The following RBFOX1 variants were observed in gnomAD, a reference collection of about 807,000 sequenced individuals.
RBFOX1 encodes RNA binding fox-1 homolog 1, also known as RNA binding protein fox-1 homolog 1.
A neutral mutation model predicts 57.7 loss-of-function variants in RBFOX1; 8 were observed. The ratio of observed to expected loss-of-function variants is 0.14; its 90% CI spans 0.08 to 0.25. The LOEUF (loss-of-function observed/expected upper bound fraction) is 0.25, where lower values mean the gene tolerates loss of function less well. RBFOX1 is among the 10% of genes least tolerant of loss of function. RBFOX1 has a pLI of 1.00. For synonymous variants in RBFOX1, 326 were observed against 222.4 expected (o/e 1.47, Z -4.15); for missense variants, 611 against 548.5 (o/e 1.11, Z -1.14).
intron 3 of RBFOX1, among the ~76,000 whole-genome samples, chr16:5,659,137 G>T (rs2049560239): frequency 6.6e-6 from 1 of 151,968 alleles, no homozygotes; most frequent in African/African-American, 2.4e-5. Flanking sequence ...GTGCAGAAGT[G>T]TTCCCTGTTC....
At chr16:6,147,226 C>G (rs938737490) in intron 1 of RBFOX1, among the ~76,000 whole-genome samples, 1 of 152,208 alleles carries the variant, frequency 6.6e-6, no homozygotes, top group Non-Finnish European at 1.5e-5. Context: ...TGGCTGCATG[C>G]TCTCTTAGCG....
At chr16:5,339,943 G>C (rs1430682296) in intron 1 of RBFOX1, among the ~76,000 whole-genome samples, 1 of 152,098 alleles carries the variant, frequency 6.6e-6, no homozygotes, top group African/African-American at 2.4e-5. Context: ...AGTCCCATCA[G>C]TCTGAGGCAT....
At position 6,985,428 on chromosome 16, in the gene RBFOX1, C is replaced by G. The variant is rs1568228424; in HGVS notation, c.-15-66629C>G. ...TCAGGAGGCTTAGGCAGGAAGATCA[C>G]TTCAGCCCATGTGTTCTCAGTCTAG... On this transcript the variant is annotated intron_variant, in intron 3 of 15. Transcript: ENST00000550418. Among the ~76,000 whole-genome samples the G allele has an allele frequency of 1.3e-5, 2 of 152,300 alleles. 1 individual carries two copies. Among genetic ancestry groups the G allele is most frequent in the African/African-American group, 4.8e-5 (2 of 41,564 alleles).
intron 2 of RBFOX1, among the ~76,000 whole-genome samples, chr16:6,524,726 A>G (rs1198813940): frequency 6.6e-6 from 1 of 152,000 alleles, no homozygotes; most frequent in East Asian, 1.9e-4. Flanking sequence ...TAAGAAGGAA[A>G]CCTACCTGGC....
intron 2 of RBFOX1, among the ~76,000 whole-genome samples, chr16:6,635,011 A>C (rs941681064): frequency 7.0e-6 from 1 of 143,222 alleles, no homozygotes; most frequent in Non-Finnish European, 1.5e-5. Flanking sequence ...ATAATACTTT[A>C]TTATGTTACA....
intron 3 of RBFOX1, among the ~76,000 whole-genome samples, chr16:7,027,771 C>T (rs1168179005): frequency 6.9e-6 from 1 of 144,124 alleles, no homozygotes; most frequent in Non-Finnish European, 1.5e-5. Flanking sequence ...ATACAGCTTG[C>T]ATTTTTTTTT....
intron 2 of RBFOX1, among the ~76,000 whole-genome samples, chr16:6,625,444 T>A (rs973517277): frequency 4.6e-5 from 7 of 152,190 alleles, no homozygotes; most frequent in Non-Finnish European, 7.3e-5. Flanking sequence ...TGTAGCTAAA[T>A]CCTCAGTTGT....
chr16:6,544,456 A>T (rs2096867441), intron 2 of RBFOX1, among the ~76,000 whole-genome samples: 1 of 152,184 alleles, frequency 6.6e-6, no homozygotes, highest in Admixed American at 6.5e-5. Flanking sequence ...ATGTTCTGGG[A>T]GGCACTGTAA....
At chr16:6,521,973 AC>A (rs1159939792) in intron 2 of RBFOX1, among the ~76,000 whole-genome samples, 2 of 152,290 alleles carry the variant, frequency 1.3e-5, no homozygotes, top group Middle Eastern at 3.4e-3. Flanking sequence ...TTCAGCTCTC[AC>A]TTTTCTCACC....
chr16:7,583,560 A>G (rs1289193820), intron 6 of RBFOX1, among the ~76,000 whole-genome samples: 3 of 152,242 alleles, frequency 2.0e-5, no homozygotes, highest in African/African-American at 7.2e-5. Context: ...CTTCTGCTAC[A>G]ACAGATGGAT....
At chr16:5,802,991 A>G (rs2055107927) in intron 3 of RBFOX1, among the ~76,000 whole-genome samples, 1 of 152,176 alleles carries the variant, frequency 6.6e-6, no homozygotes, top group Non-Finnish European at 1.5e-5. Flanking sequence ...AGTTCTGAGA[A>G]TTCATAGTTT....
At chr16:6,538,823 G>C (rs1353584111) in intron 2 of RBFOX1, among the ~76,000 whole-genome samples, 2 of 152,082 alleles carry the variant, frequency 1.3e-5, no homozygotes, top group African/African-American at 2.4e-5. Context: ...TCTTTGTCCT[G>C]TATCCATTCA....
chr16:6,540,292 A>G (rs1435484002), intron 2 of RBFOX1, among the ~76,000 whole-genome samples: 1 of 142,236 alleles, frequency 7.0e-6, no homozygotes, highest in East Asian at 2.1e-4. Flanking sequence ...GATAGCCATC[A>G]TATAAGCTGG....
intron 1 of RBFOX1, among the ~76,000 whole-genome samples, chr16:6,169,988 C>T (rs1481773135): frequency 6.6e-6 from 1 of 152,086 alleles, no homozygotes; most frequent in Non-Finnish European, 1.5e-5. Flanking sequence ...AGGCTGGTCT[C>T]AAATGCCTGA....
chr16:6,926,323 C>G (rs1567913721), intron 3 of RBFOX1, among the ~76,000 whole-genome samples: 1 of 151,890 alleles, frequency 6.6e-6, no homozygotes, highest in African/African-American at 2.4e-5. Flanking sequence ...AAAACAAAAA[C>G]AAAAACCCTT....
chr16:6,806,511 G>A (rs530798510), intron 3 of RBFOX1, among the ~76,000 whole-genome samples: 1 of 152,090 alleles, frequency 6.6e-6, no homozygotes, highest in South Asian at 2.1e-4. Context: ...GTAAATAAAA[G>A]CATTTGAATG....
intron 6 of RBFOX1, among the ~76,000 whole-genome samples, chr16:7,582,034 C>CAT (rs1458710034): frequency 6.6e-6 from 1 of 151,406 alleles, no homozygotes; most frequent in Non-Finnish European, 1.5e-5. Flanking sequence ...GCACCCCCCC[C>CAT]CCCCCTTTTT....
chr16:7,153,725 C>G (rs867141977), intron 4 of RBFOX1, among the ~76,000 whole-genome samples: 13 of 28,824 alleles, frequency 4.5e-4, no homozygotes, highest in Admixed American at 1.5e-3. Flanking sequence ...GAGACAGTGT[C>G]TCAAAAAAAA....
chr16:6,764,511 A>G (rs1220423838), intron 3 of RBFOX1, among the ~76,000 whole-genome samples: 2 of 152,208 alleles, frequency 1.3e-5, no homozygotes, highest in African/African-American at 4.8e-5. Flanking sequence ...TGCTTATTGA[A>G]TGTCCACTCA....
Sources: allele counts gnomAD v4.1 joint callset (sites outside exome capture counted in the v4.1 genomes callset), GRCh38; gene constraint gnomAD v4.1.1; transcripts MANE v1.5; gene names NCBI Gene and HGNC (gene_info 2026-07-23, HGNC 2026-07-21).